PSTPIP1: variants seen among roughly 807,000 people sequenced by gnomAD.
PSTPIP1 encodes proline-serine-threonine phosphatase-interacting protein 1.
PSTPIP1 carries 66 observed loss-of-function variants against 69.6 expected under a neutral mutation model. That is an observed-to-expected ratio of 0.95 (90% CI 0.78 to 1.16). PSTPIP1 has a LOEUF of 1.16. Ranked by LOEUF, PSTPIP1 falls within the 50% of genes most tolerant of loss-of-function variation. The pLI, the probability that PSTPIP1 is intolerant of heterozygous loss-of-function variation, is 0.00. For synonymous variants in PSTPIP1, 266 were observed against 222.7 expected (o/e 1.19, Z -1.73); for missense variants, 603 against 557.4 (o/e 1.08, Z -0.82).
Position 77,032,887 on chromosome 15 carries a change from C to T in PSTPIP1, c.864C>T (p.Tyr288=), listed in dbSNP as rs763986763. The T allele has an allele frequency of 1.9e-5, 30 of 1,600,076 alleles. No homozygotes were observed. The highest frequency in any genetic ancestry group is 3.4e-5 in the Admixed American group (2 of 58,548). ...PPAPVPYQNY[Y]DREVTPLTSS... ...CTCCGGTGCCCTACCAGAACTATTA[C>T]GATCGGGAGGTCACCCCGCTGACCA... The change falls in exon 12 of 15, where the codon TAC becomes TAT. Residue 288 remains tyrosine, a synonymous_variant. Coordinates refer to ENST00000558012, the MANE Select transcript of PSTPIP1 (RefSeq NM_003978.5).
At chr15:77,012,088 C>A (rs1175418611) in intron 1 of PSTPIP1, among the ~76,000 whole-genome samples, 1 of 152,072 alleles carries the variant, frequency 6.6e-6, no homozygotes, top group African/African-American at 2.4e-5. Context: ...GGGTAAGCAA[C>A]CGCCTTGTTT....
intron 1 of PSTPIP1, among the ~76,000 whole-genome samples, chr15:76,999,126 G>A (rs1474121546): frequency 6.6e-6 from 1 of 152,118 alleles, no homozygotes; most frequent in Non-Finnish European, 1.5e-5. Context: ...CTCCCAGCAG[G>A]TGGCCAAATT....
At chr15:77,036,163 C>T (rs998491549) in intron 14 of PSTPIP1, among the ~76,000 whole-genome samples, 4 of 152,206 alleles carry the variant, frequency 2.6e-5, no homozygotes, top group African/African-American at 9.6e-5. Context: ...GCTTGCGGGG[C>T]CTCAGTGTGC....
rs139298465 is a variant in PSTPIP1, at chr15:77,034,673, G to A, written c.930-835G>A. On this transcript the variant is annotated intron_variant, in intron 12 of 14. Coordinates refer to ENST00000558012, the MANE Select transcript of PSTPIP1 (RefSeq NM_003978.5). ...CTCTCCTGGTCACCTGCAGTGCCTC[G>A]CTCCCCCTTCTCTCCTAGTAAAGCT... 7.0e-3 allele frequency among the ~76,000 whole-genome samples: 1,068 copies of A among 152,086 alleles called. 6 individuals are homozygous for A. Among genetic ancestry groups the A allele is most frequent in the Admixed American group, 9.3e-3 (142 of 15,274 alleles).
At chr15:77,035,414 C>A (rs959164866) in intron 12 of PSTPIP1, 94 bp from the exon 13 acceptor site, 1 of 1,299,440 alleles carries the variant, frequency 7.7e-7, no homozygotes, top group Non-Finnish European at 1.1e-6. Context: ...AGAGCGCGTG[C>A]AGCTCTGAGA....
Position 76,997,351 on chromosome 15 carries a change from G to A in PSTPIP1, c.36+1742G>A, listed in dbSNP as rs78227498. On this transcript the variant is annotated intron_variant, in intron 1 of 14. Coordinates refer to ENST00000558012, the MANE Select transcript of PSTPIP1 (RefSeq NM_003978.5). ...GAACCTCTCACACTGAGTCTGGGCC[G>A]ATGCCCCGAAAGGTCACTGTAGGCA... Among the ~76,000 whole-genome samples, 1,308 of 152,290 alleles carry A rather than the reference G, an allele frequency of 8.6e-3. 15 individuals carry two copies. Among genetic ancestry groups the A allele is most frequent in the African/African-American group, 0.03 (1,243 of 41,552 alleles).
Position 77,037,335 on chromosome 15 carries a change from T to C in PSTPIP1, c.*159T>C, listed in dbSNP as rs923501765. 1.2e-4 allele frequency: 111 copies of C among 952,700 alleles called. 2 individuals carry two copies. The highest frequency in any genetic ancestry group is 2.2e-5 in the Non-Finnish European group (15 of 667,518). 59.0% of individuals were successfully genotyped at this position (952,700 alleles called of 1,614,324 possible). On this transcript the variant is annotated 3_prime_UTR_variant, in exon 15 of 15. Transcript: ENST00000558012. Reference sequence around the variant, plus strand: ...ATAAAGGAGTGCGTTCTGTTCTCCTTGGTGTGCTGGGGTCCCGTTCTCTTT... The same window carrying C: ...ATAAAGGAGTGCGTTCTGTTCTCCTCGGTGTGCTGGGGTCCCGTTCTCTTT...
intron 1 of PSTPIP1, among the ~76,000 whole-genome samples, chr15:77,002,154 T>A (rs1428241991): frequency 6.6e-6 from 1 of 152,238 alleles, no homozygotes; most frequent in East Asian, 1.9e-4. Flanking sequence ...AAACGCATTG[T>A]CAGTGTCTTC....
In PSTPIP1 at chr15:77,018,489, TG is replaced by T; in HGVS notation, c.172del (p.Val58CysfsTer16). 1 of 1,584,366 alleles carries T rather than the reference TG, an allele frequency of 6.3e-7. No individual in the cohort carries two copies. On this transcript the variant is annotated frameshift_variant, in exon 3 of 15. Transcript: ENST00000558012. LOFTEE classifies it high-confidence loss of function. ...GCGGAGGAGCGGTACGGGAAGGAGCTGGTGCAGATCGCACGGAAGGCAGGTG... is the reference window on the plus strand; with the variant it reads ...GCGGAGGAGCGGTACGGGAAGGAGCTGTGCAGATCGCACGGAAGGCAGGTG... ...AQAEERYGKELVQIARKAGGQ... is the reference protein window; with the variant it reads ...AQAEERYGKEXVQIARKAGGQ...
chr15:77,002,969 C>T (rs182933082), intron 1 of PSTPIP1, among the ~76,000 whole-genome samples: 14 of 152,164 alleles, frequency 9.2e-5, no homozygotes, highest in East Asian at 3.9e-4. Context: ...GTGGGAGGTA[C>T]GGCATGGGCA....
In PSTPIP1 at chr15:77,031,621, C is replaced by T. The variant is rs1186742004; in HGVS notation, c.741+343C>T. 2.9e-5 allele frequency: 8 copies of T among 273,792 alleles called. No homozygotes were observed. In the East Asian group the frequency reaches 6.9e-4, roughly 24 times the overall value. 17.0% of individuals were successfully genotyped at this position (273,792 alleles called of 1,614,324 possible). A position where few individuals can be genotyped will look rare whatever the true frequency, so the allele number is the denominator to read the frequency against. On this transcript the variant is annotated intron_variant, in intron 10 of 14. Coordinates refer to ENST00000558012, the MANE Select transcript of PSTPIP1 (RefSeq NM_003978.5). ...GTTGGCAGAAGCTGGAGGACCGTGG[C>T]TGCTCTGCTCTAGGCCTGGTGCTTG...
intron 3 of PSTPIP1, among the ~76,000 whole-genome samples, chr15:77,024,851 T>A (rs1247080933): frequency 6.6e-6 from 1 of 151,848 alleles, no homozygotes; most frequent in Non-Finnish European, 1.5e-5. Context: ...GGCCACCTGC[T>A]GAGAGCCCAT....
chr15:77,000,470 T>C (rs911717536), intron 1 of PSTPIP1, among the ~76,000 whole-genome samples: 15 of 143,158 alleles, frequency 1.0e-4, no homozygotes, highest in South Asian at 4.6e-4. Context: ...GATATATATA[T>C]ATATATACAC....
chr15:77,010,099 C>T (rs1419069547), intron 1 of PSTPIP1, among the ~76,000 whole-genome samples: 1 of 152,174 alleles, frequency 6.6e-6, no homozygotes. Context: ...GCATCAGTCA[C>T]CCCCAAGGGC....
intron 1 of PSTPIP1, among the ~76,000 whole-genome samples, chr15:77,004,642 C>G (rs1307013650): frequency 6.6e-6 from 1 of 151,386 alleles, no homozygotes; most frequent in South Asian, 2.1e-4. Flanking sequence ...TCACTTGAAC[C>G]CAGGAGTTCA....
chr15:77,031,467 G>A, intron 10 of PSTPIP1, 189 bp downstream of exon 10: 1 of 521,594 alleles, frequency 1.9e-6, no homozygotes, highest in Non-Finnish European at 3.5e-6. Flanking sequence ...TACCACACAG[G>A]GCCATGGCTT....
At chr15:77,023,177 T>G (rs537862586) in intron 3 of PSTPIP1, among the ~76,000 whole-genome samples, 208 of 152,274 alleles carry the variant, frequency 1.4e-3, no homozygotes, top group African/African-American at 4.6e-3. Context: ...AAATTTAGAT[T>G]ATGAGCCTGG....
chr15:77,022,199 C>T (rs931109230), intron 3 of PSTPIP1, among the ~76,000 whole-genome samples: 1 of 152,196 alleles, frequency 6.6e-6, no homozygotes, highest in Non-Finnish European at 1.5e-5. Context: ...AGGATATTGG[C>T]GGGAGAGAGC....
chr15:77,011,818 G>A (rs751991713), intron 1 of PSTPIP1, among the ~76,000 whole-genome samples: 1 of 152,106 alleles, frequency 6.6e-6, no homozygotes, highest in Non-Finnish European at 1.5e-5. Context: ...CTCCTCACCT[G>A]TCAAAGCCCC....
Sources: gnomAD v4.1 joint callset for allele counts (sites outside exome capture counted in the v4.1 genomes callset) on GRCh38, gnomAD v4.1.1 for gene constraint, MANE v1.5 for transcripts, NCBI Gene and HGNC (gene_info 2026-07-23, HGNC 2026-07-21) for gene names.